MRPL38: variants seen among roughly 807,000 people sequenced by gnomAD.
The protein encoded by MRPL38 is large ribosomal subunit protein mL38.
MRPL38 carries 51 observed loss-of-function variants against 52.1 expected under a neutral mutation model. The ratio of observed to expected loss-of-function variants is 0.98; its 90% CI spans 0.78 to 1.24. The LOEUF (loss-of-function observed/expected upper bound fraction) is 1.24, where lower values mean the gene tolerates loss of function less well. MRPL38 is among the 50% of genes most tolerant of loss of function. The probability of loss-of-function intolerance (pLI) is 0.00; values close to 1 mark genes in which losing one functional copy is unlikely to be tolerated. For missense variants in MRPL38, 527 were observed against 518.6 expected (o/e 1.02, Z -0.16); for synonymous variants, 245 against 212.7 (o/e 1.15, Z -1.32).
At chr17:75,902,670 T>C (rs1291133248) in intron 2 of MRPL38, among the ~76,000 whole-genome samples, 2 of 152,218 alleles carry the variant, frequency 1.3e-5, no homozygotes, top group African/African-American at 4.8e-5. Context: ...CTGTGCAGTC[T>C]ACTTCCCAGA....
At position 75,901,986 on chromosome 17, in the gene MRPL38, A is replaced by C. The variant is rs1306379693; in HGVS notation, c.382+34T>G. ...GGGCAGGGACACACCCTGTACCCCA[A>C]CTCTGGGATGGCCCCTCCCCTGAGA... On this transcript the variant is annotated intron_variant, in intron 3 of 8. Transcript: ENST00000309352. The surrounding 1 kb of genome is among the most constrained non-coding windows in gnomAD (Gnocchi z 5.7). The C allele has an allele frequency of 6.2e-7, 1 of 1,612,242 alleles. No individual in the cohort carries two copies.
At position 75,904,527 on chromosome 17, in the gene MRPL38, A is replaced by G; in HGVS notation, c.247+13T>C. 6.6e-7 allele frequency: 1 copy of G among 1,515,448 alleles called. No homozygotes were observed. The highest frequency in any genetic ancestry group is 1.3e-5 in the South Asian group (1 of 78,972). The allele number at this position is 1,515,448 out of a possible 1,614,324, so 93.9% of individuals were successfully genotyped here. ...GGGCGGTGGCTGCAGCCCCTGCTCC[A>G]GTCGCCCCGCACCTGTCTTCTCCCC... On this transcript the variant is annotated intron_variant, in intron 2 of 8. Coordinates refer to ENST00000309352, the MANE Select transcript of MRPL38 (RefSeq NM_032478.4).
At chr17:75,899,899 A>G (rs1326096337) in intron 6 of MRPL38, 2 of 358,310 alleles carry the variant, frequency 5.6e-6, no homozygotes, top group Non-Finnish European at 5.0e-6. Context: ...GGCTCCAGAG[A>G]GCATCAGCTT....
chr17:75,899,513 T>C lies in MRPL38; in HGVS notation c.869+3A>G. 1.3e-6 allele frequency: 2 copies of C among 1,573,312 alleles called. No homozygotes were observed. The highest frequency in any genetic ancestry group is 1.7e-6 in the Non-Finnish European group (2 of 1,154,936). Reference sequence around the variant, plus strand: ...CGGGTTATGTGTGGGTGGTGTAGATTACCAGGGTGAGGGGCGTGCGTCCTC... The same window carrying C: ...CGGGTTATGTGTGGGTGGTGTAGATCACCAGGGTGAGGGGCGTGCGTCCTC... On this transcript the variant is annotated splice_donor_region_variant and intron_variant, in intron 7 of 8. Coordinates refer to ENST00000309352, the MANE Select transcript of MRPL38 (RefSeq NM_032478.4).
Position 75,901,945 on chromosome 17 carries a change from G to C in MRPL38, c.383-25C>G. On this transcript the variant is annotated intron_variant, in intron 3 of 8. Coordinates refer to ENST00000309352, the MANE Select transcript of MRPL38 (RefSeq NM_032478.4). This position sits in a 1 kb window ranked among gnomAD's most constrained non-coding sequence, Gnocchi z 5.7. ...GCTAGACAGGAATAAGGCCAGTTGG[G>C]ATACGGGGGTGGGGGGGGCAGGGAC... 1.0e-6 allele frequency: 1 copy of C among 953,136 alleles called. No homozygotes were observed. Among genetic ancestry groups the C allele is most frequent in the East Asian group, 4.9e-5 (1 of 20,214 alleles). The allele number at this position is 953,136 out of a possible 1,614,324, so 59.0% of individuals were successfully genotyped here. A position where few individuals can be genotyped will look rare whatever the true frequency, so the allele number is the denominator to read the frequency against.
chr17:75,902,381 T>C (rs1361557561), intron 2 of MRPL38: 2 of 557,154 alleles, frequency 3.6e-6, no homozygotes, highest in African/African-American at 1.9e-5. Context: ...GGGATTACAG[T>C]AGTGTGAGCC....
In MRPL38 at chr17:75,901,197, C is replaced by T. The variant is rs774280020; in HGVS notation, c.664+4G>A. ...AGGAGGCCTGGTGAGCCCCAGACACCCACCCAAGCTAGTGAGTAGCAACGT... is the reference window on the plus strand; with the variant it reads ...AGGAGGCCTGGTGAGCCCCAGACACTCACCCAAGCTAGTGAGTAGCAACGT... On this transcript the variant is annotated splice_donor_region_variant and intron_variant, in intron 5 of 8. Transcript: ENST00000309352. The surrounding 1 kb of genome is among the most constrained non-coding windows in gnomAD (Gnocchi z 5.7). 12 of 1,613,302 alleles carry T rather than the reference C, an allele frequency of 7.4e-6. No individual in the cohort carries two copies. In the South Asian group the frequency reaches 1.1e-4, roughly 15 times the overall value.
At chr17:75,900,101 G>T (rs111272450) in intron 6 of MRPL38, 1 of 154,914 alleles carries the variant, frequency 6.5e-6, no homozygotes, top group Non-Finnish European at 1.4e-5. Context: ...TCCCCAGAGG[G>T]TCCTGCCGCA....
At chr17:75,900,720 CAAAAAAAAA>C (rs5822109) in intron 6 of MRPL38, 1 of 1,032,848 alleles carries the variant, frequency 9.7e-7, no homozygotes, top group Non-Finnish European at 1.2e-6. Context: ...GACCCTGTCT[CAAAAAAAAA>C]AAAAAAAAAG....
At position 75,904,822 on chromosome 17, in the gene MRPL38, G is replaced by T; in HGVS notation, c.54C>A (p.Gly18=). 1.5e-6 allele frequency: 2 copies of T among 1,365,624 alleles called. No homozygotes were observed. The allele number at this position is 1,365,624 out of a possible 1,614,324, so 84.6% of individuals were successfully genotyped here. Residue 18 remains glycine (G), a synonymous_variant, in exon 1 of 9, where the codon GGC becomes GGA. Coordinates refer to ENST00000309352, the MANE Select transcript of MRPL38 (RefSeq NM_032478.4). ...AALCECRRWR[G]FSTSAVLGRR... is the part of the protein sequence containing the mutation. ...CCCACCCCTCACCCGAGGTGCTGAA[G>T]CCCCGCCATCTCCGACACTCGCACA...
chr17:75,901,252 T>A lies in MRPL38; in HGVS notation c.613A>T (p.Thr205Ser). ...AAGGAGCCCTCTTCTGCCTCATAGG[T>A]CACCTCTGGCGCTTGGGCAGCCTGG... is the stretch of plus-strand genomic sequence containing the variant. Reference protein sequence around the residue: ...PTEAAQAPEVTYEAEEGSLWT... With the variant: ...PTEAAQAPEVSYEAEEGSLWT... Residue 205 changes from threonine to serine, a missense_variant, in exon 5 of 9, where the codon ACC (threonine) becomes TCC (serine). By Grantham distance (58) the Thr-to-Ser change is moderately conservative. Coordinates refer to ENST00000309352, the MANE Select transcript of MRPL38 (RefSeq NM_032478.4). The surrounding 1 kb of genome is among the most constrained non-coding windows in gnomAD (Gnocchi z 5.7). 6.2e-7 allele frequency: 1 copy of A among 1,613,386 alleles called. No homozygotes were observed. Among genetic ancestry groups the A allele is most frequent in the Non-Finnish European group, 8.5e-7 (1 of 1,179,790 alleles).
Position 75,901,339 on chromosome 17 carries a change from G to C in MRPL38, c.592-66C>G. ...AGGCCAGCTGTTGCAGGGAGCCTTG[G>C]AGAAAGGGGTGCCCACTCTGACCCA... On this transcript the variant is annotated intron_variant, in intron 4 of 8. Coordinates refer to ENST00000309352, the MANE Select transcript of MRPL38 (RefSeq NM_032478.4). This position sits in a 1 kb window ranked among gnomAD's most constrained non-coding sequence, Gnocchi z 5.7. 5.3e-6 allele frequency: 8 copies of C among 1,515,462 alleles called. No homozygotes were observed. Among genetic ancestry groups the C allele is most frequent in the Non-Finnish European group, 7.2e-6 (8 of 1,103,604 alleles). 93.9% of individuals were successfully genotyped at this position (1,515,462 alleles called of 1,614,324 possible).
intron 6 of MRPL38, 105 bp downstream of exon 6, chr17:75,900,877 A>G (rs1044991589): frequency 2.3e-5 from 34 of 1,467,728 alleles, no homozygotes; most frequent in Non-Finnish European, 2.8e-5. Context: ...GGTGAATTCA[A>G]GGTCCCATGG....
At chr17:75,903,277 C>T (rs1014356016) in intron 2 of MRPL38, among the ~76,000 whole-genome samples, 1 of 152,106 alleles carries the variant, frequency 6.6e-6, no homozygotes, top group Non-Finnish European at 1.5e-5. Context: ...GGCGTGGTGG[C>T]GCATGCCTGT....
chr17:75,902,181 A>G, intron 2 of MRPL38, 27 bp from the exon 3 acceptor site: 4 of 1,549,956 alleles, frequency 2.6e-6, no homozygotes, highest in Non-Finnish European at 3.5e-6. Context: ...TGTGGGAAAA[A>G]CAGGGTCATG....
rs1128878 is a variant in MRPL38 at position 75,899,663 on chromosome 17, G to C, written c.722C>G (p.Pro241Arg). 6.3e-7 allele frequency: 1 copy of C among 1,575,122 alleles called. No individual in the cohort carries two copies. The highest frequency in any genetic ancestry group is 2.3e-5 in the East Asian group (1 of 44,262). The change falls in exon 7 of 9, where the codon CCG (proline) becomes CGG (arginine). Residue 241 changes from proline (P) to arginine (R), a missense_variant. By Grantham distance (103) the Pro-to-Arg change is moderately radical. Transcript: ENST00000309352. ...CTGTCCTTCAGCCACCCGGTTACCC[G>C]GGATGTTGGTTCTGGGAGGAGGAAA... ...EYLHWLLTNI[P>R]GNRVAEGQVT...
Position 75,899,108 on chromosome 17 carries a change from G to A in MRPL38, c.1006+50C>T, listed in dbSNP as rs778651471. 6.4e-6 allele frequency: 10 copies of A among 1,561,834 alleles called. No homozygotes were observed. The East Asian group carries it at 7.0e-5, about 11-fold the overall frequency. The stretch of plus-strand genomic sequence containing the variant: ...AAAGCTTCTCCCTGGCAGGGCAGGC[G>A]AGGCCTGGGAGCTCAGGCCCACCCA... On this transcript the variant is annotated intron_variant, in intron 8 of 8. Transcript: ENST00000309352.
At position 75,899,157 on chromosome 17, in the gene MRPL38, C is replaced by T. The variant is rs1225675889; in HGVS notation, c.1006+1G>A. The T allele has an allele frequency of 6.2e-7, 1 of 1,600,846 alleles. No homozygotes were observed. The highest frequency in any genetic ancestry group is 1.7e-5 in the Admixed American group (1 of 57,862). ...CAGTGCCCCAGCCCCATGGCCCTTA[C>T]CCAGAAGCTGGTGGAAGATGTAGGT... On this transcript the variant is annotated splice_donor_variant, in intron 8 of 8. Transcript: ENST00000309352. LOFTEE classifies it high-confidence loss of function.
Position 75,904,727 on chromosome 17 carries a change from C to A in MRPL38, c.68-8G>T. The A allele has an allele frequency of 6.6e-7, 1 of 1,526,266 alleles. No individual in the cohort carries two copies. Among genetic ancestry groups the A allele is most frequent in the Non-Finnish European group, 8.7e-7 (1 of 1,145,714 alleles). 94.5% of individuals were successfully genotyped at this position (1,526,266 alleles called of 1,614,324 possible). ...TCCGGCGGCCCAGGACGGCTGCGGG[C>A]AGAGAGAAGACGTAAGGCCGGCGCC... On this transcript the variant is annotated splice_region_variant and splice_polypyrimidine_tract_variant and intron_variant, in intron 1 of 8. Coordinates refer to ENST00000309352, the MANE Select transcript of MRPL38 (RefSeq NM_032478.4).
Sources: gnomAD v4.1 joint callset for allele counts (sites outside exome capture counted in the v4.1 genomes callset) on GRCh38, gnomAD v4.1.1 for gene constraint, Gnocchi (gnomAD v3.1) non-coding constraint, MANE v1.5 for transcripts, NCBI Gene and HGNC (gene_info 2026-07-23, HGNC 2026-07-21) for gene names.